The following RHOJ variants were observed in gnomAD, a reference collection of about 807,000 sequenced individuals.
RHOJ encodes the protein rho-related GTP-binding protein RhoJ.
In RHOJ, 11 loss-of-function variants were observed where a neutral mutation model predicts 23.4. The observed-to-expected ratio is 0.47, with a 90% CI of 0.30 to 0.78. RHOJ has a LOEUF of 0.78. RHOJ is among the 30% of genes least tolerant of loss of function. The pLI, the probability that RHOJ is intolerant of heterozygous loss-of-function variation, is 0.08. For synonymous variants in RHOJ, 102 were observed against 102.7 expected, an observed-to-expected ratio of 0.99 and a Z score of 0.04; for missense variants, 254 against 273.4, an observed-to-expected ratio of 0.93 and a Z score of 0.50.
chr14:63,204,954 G>T lies in RHOJ; in HGVS notation c.85G>T (p.Asp29Tyr). ...KKMLKCVVVG[D>Y]GAVGKTCLLM... ...GATGTTGAAGTGTGTGGTGGTGGGG[G>T]ACGGTGCCGTGGGGAAAACCTGCCT... The change falls in exon 1 of 5, where the codon GAC becomes TAC. Residue 29 changes from aspartate (D) to tyrosine (Y), a missense_variant. By Grantham distance (160) the Asp-to-Tyr change is radical. Transcript: ENST00000316754. 1.2e-6 allele frequency: 2 copies of T among 1,614,238 alleles called. No homozygotes were observed. Among genetic ancestry groups the T allele is most frequent in the Non-Finnish European group, 1.7e-6 (2 of 1,180,044 alleles).
In RHOJ at chr14:63,291,043, T is replaced by C. The variant is rs773224406; in HGVS notation, c.*19T>C. On this transcript the variant is annotated 3_prime_UTR_variant, in exon 5 of 5. Coordinates refer to ENST00000316754, the MANE Select transcript of RHOJ (RefSeq NM_020663.5). ...TATCTGAGGTTGTCTGGGACCTGCCTCCACCCCATCCAGGGATGAGAATGG... is the reference window on the plus strand; with the variant it reads ...TATCTGAGGTTGTCTGGGACCTGCCCCCACCCCATCCAGGGATGAGAATGG... 1 of 1,613,510 alleles carries C rather than the reference T, an allele frequency of 6.2e-7. No homozygotes were observed.
intron 1 of RHOJ, among the ~76,000 whole-genome samples, chr14:63,227,537 A>C (rs1157572419): frequency 6.6e-6 from 1 of 152,240 alleles, no homozygotes; most frequent in Non-Finnish European, 1.5e-5. Context: ...ACAAACTGGA[A>C]TAGCCAAGAA....
intron 1 of RHOJ, among the ~76,000 whole-genome samples, chr14:63,260,101 C>T (rs1895247134): frequency 6.6e-6 from 1 of 152,176 alleles, no homozygotes; most frequent in Non-Finnish European, 1.5e-5. Context: ...TAGACATTGT[C>T]AATAAAGGGC....
At chr14:63,231,518 A>G (rs1305472939) in intron 1 of RHOJ, among the ~76,000 whole-genome samples, 1 of 152,342 alleles carries the variant, frequency 6.6e-6, no homozygotes, top group East Asian at 1.9e-4. Flanking sequence ...TTGTATAGCC[A>G]TGTTAGGAAT....
intron 3 of RHOJ, among the ~76,000 whole-genome samples, chr14:63,282,085 G>A (rs1451869173): frequency 6.6e-6 from 1 of 152,084 alleles, no homozygotes; most frequent in Non-Finnish European, 1.5e-5. Context: ...CATAGTTAAC[G>A]CTTCTGCTCT....
At chr14:63,247,169 A>G (rs1380579063) in intron 1 of RHOJ, among the ~76,000 whole-genome samples, 1 of 152,216 alleles carries the variant, frequency 6.6e-6, no homozygotes, top group Non-Finnish European at 1.5e-5. Flanking sequence ...ACTAAGAAAA[A>G]GTTGGTAGAA....
At position 63,281,186 on chromosome 14, in the gene RHOJ, C is replaced by T. The variant is rs775126220; in HGVS notation, c.402+51C>T. On this transcript the variant is annotated intron_variant, in intron 3 of 4. Transcript: ENST00000316754. ...GGAGCGGGCTGCAAAAATGGGAAGA[C>T]CCTTTAGGTACCTCGTGAACATCCT... 8 of 1,536,120 alleles carry T rather than the reference C, an allele frequency of 5.2e-6. No homozygotes were observed. In the African/African-American group the frequency reaches 9.7e-5, roughly 19 times the overall value.
intron 1 of RHOJ, among the ~76,000 whole-genome samples, chr14:63,214,608 G>A (rs939017252): frequency 3.9e-5 from 6 of 152,102 alleles, no homozygotes; most frequent in Admixed American, 6.6e-5. Flanking sequence ...CTGTACCTGC[G>A]GTGGGGGCAT....
chr14:63,277,579 G>A (rs1438782092), intron 2 of RHOJ, among the ~76,000 whole-genome samples: 1 of 152,138 alleles, frequency 6.6e-6, no homozygotes, highest in Non-Finnish European at 1.5e-5. Flanking sequence ...CCACAGAAGT[G>A]CCACGTGTTC....
At chr14:63,224,599 A>G (rs1023191296) in intron 1 of RHOJ, among the ~76,000 whole-genome samples, 3 of 152,220 alleles carry the variant, frequency 2.0e-5, no homozygotes, top group Admixed American at 6.5e-5. Context: ...AAAAGACATC[A>G]TTGTAATTGT....
chr14:63,276,331 A>T (rs1049409421), intron 2 of RHOJ, among the ~76,000 whole-genome samples: 1 of 152,214 alleles, frequency 6.6e-6, no homozygotes. Flanking sequence ...CTAATCTTTA[A>T]GGCCTTTTCT....
rs569509716 is a variant in RHOJ, at chr14:63,257,620, C to G, written c.179-11490C>G. Among the ~76,000 whole-genome samples, 8 of 150,000 alleles carry G rather than the reference C, an allele frequency of 5.3e-5. 1 individual carries two copies. The South Asian group carries it at 1.7e-3, about 32-fold the overall frequency. On this transcript the variant is annotated intron_variant, in intron 1 of 4. Transcript: ENST00000316754. ...GATGGATTCAGGTTACAGTAGCCCA[C>G]GGCTCCCTACATCCTCCTTCCTTCC...
At chr14:63,245,503 A>C (rs1352530134) in intron 1 of RHOJ, among the ~76,000 whole-genome samples, 1 of 152,052 alleles carries the variant, frequency 6.6e-6, no homozygotes, top group African/African-American at 2.4e-5. Flanking sequence ...AAAAATTTAA[A>C]AATTAGCCAG....
intron 1 of RHOJ, among the ~76,000 whole-genome samples, chr14:63,237,080 G>T (rs7157513): frequency 0.38 from 57,029 of 151,964 alleles, 14,746 homozygotes; most frequent in African/African-American, 0.74. Flanking sequence ...TCCTTGGTTG[G>T]TTGAATCCAT....
intron 1 of RHOJ, among the ~76,000 whole-genome samples, chr14:63,261,808 C>T (rs1208796567): frequency 1.3e-5 from 2 of 152,168 alleles, no homozygotes; most frequent in Non-Finnish European, 2.9e-5. Context: ...GATTTACCAT[C>T]TTACCGGTTC....
At position 63,234,022 on chromosome 14, in the gene RHOJ, T is replaced by A. The variant is rs1594758805; in HGVS notation, c.178+28975T>A. Among the ~76,000 whole-genome samples the A allele has an allele frequency of 2.0e-5, 3 of 152,238 alleles. No individual in the cohort carries two copies. In the East Asian group the frequency reaches 5.8e-4, roughly 29 times the overall value. ...GGATTGGGCCGCACTGCACTACATG[T>A]CAGTCCCACACTCTCATTTCCACAT... On this transcript the variant is annotated intron_variant, in intron 1 of 4. Transcript: ENST00000316754.
chr14:63,240,177 C>T (rs1199084819), intron 1 of RHOJ, among the ~76,000 whole-genome samples: 2 of 151,990 alleles, frequency 1.3e-5, no homozygotes, highest in Non-Finnish European at 2.9e-5. Flanking sequence ...AGAGGTAATT[C>T]GTGGTGAAAC....
intron 4 of RHOJ, among the ~76,000 whole-genome samples, chr14:63,284,674 CTAAATATG>C (rs1882023597): frequency 6.6e-6 from 1 of 152,162 alleles, no homozygotes; most frequent in Non-Finnish European, 1.5e-5. Context: ...ATTAAGATAC[CTAAATATG>C]TAGCTCCATA....
chr14:63,244,012 G>A (rs937647106), intron 1 of RHOJ, among the ~76,000 whole-genome samples: 1 of 152,166 alleles, frequency 6.6e-6, no homozygotes, highest in African/African-American at 2.4e-5. Flanking sequence ...TTGATTAACA[G>A]TACATATTCC....
Sources: allele counts gnomAD v4.1 joint callset (sites outside exome capture counted in the v4.1 genomes callset), GRCh38; gene constraint gnomAD v4.1.1; transcripts MANE v1.5; gene names NCBI Gene and HGNC (gene_info 2026-07-23, HGNC 2026-07-21).